RERE: variants seen among roughly 807,000 people sequenced by gnomAD.
RERE encodes the protein arginine-glutamic acid dipeptide repeats, also known as arginine-glutamic acid dipeptide repeats protein.
RERE carries 40 observed loss-of-function variants against 146.1 expected under a neutral mutation model. That is an observed-to-expected ratio of 0.27 (90% CI 0.21 to 0.36). The LOEUF is 0.36. RERE is among the 10% of genes least tolerant of loss of function. The pLI is 1.00. For missense variants in RERE, 1,933 were observed against 2,138.7 expected, an observed-to-expected ratio of 0.90 and a Z score of 1.90; for synonymous variants, 1,003 against 866.0, an observed-to-expected ratio of 1.16 and a Z score of -2.78.
chr1:8,718,656 T>C (rs1639806053), intron 1 of RERE, among the ~76,000 whole-genome samples: 3 of 152,214 alleles, frequency 2.0e-5, no homozygotes, highest in Non-Finnish European at 4.4e-5. Flanking sequence ...ATTTCATCCT[T>C]AGTTCTGACT....
intron 17 of RERE, 68 bp downstream of exon 17, chr1:8,361,695 A>T: frequency 6.9e-7 from 1 of 1,444,932 alleles, no homozygotes; most frequent in Non-Finnish European, 9.7e-7. Context: ...CCAACTAGGG[A>T]GAACCCCGGC....
intron 7 of RERE, among the ~76,000 whole-genome samples, chr1:8,512,274 C>G (rs1330834759): frequency 2.0e-5 from 3 of 150,788 alleles, no homozygotes; most frequent in Non-Finnish European, 4.4e-5. Flanking sequence ...ACCTCATGAT[C>G]CACCCGCCTC....
At chr1:8,678,914 C>T (rs1429746430) in intron 1 of RERE, among the ~76,000 whole-genome samples, 1 of 152,120 alleles carries the variant, frequency 6.6e-6, no homozygotes. Flanking sequence ...TAATCTAGGG[C>T]CATGCTGTCC....
At chr1:8,461,028 A>G (rs948932728) in intron 11 of RERE, among the ~76,000 whole-genome samples, 1 of 152,180 alleles carries the variant, frequency 6.6e-6, no homozygotes, top group Non-Finnish European at 1.5e-5. Flanking sequence ...CACCAACACA[A>G]CAGCAGCAAA....
At chr1:8,445,684 CTTTTTTT>C (rs879168605) in intron 11 of RERE, among the ~76,000 whole-genome samples, 1 of 146,122 alleles carries the variant, frequency 6.8e-6, no homozygotes, top group African/African-American at 2.5e-5. Flanking sequence ...GGAACCCCAC[CTTTTTTT>C]TTTTATGTTC....
chr1:8,541,241 T>C lies in RERE; in HGVS notation c.803A>G (p.Tyr268Cys). The C allele has an allele frequency of 6.2e-7, 1 of 1,606,086 alleles. No individual in the cohort carries two copies. Among genetic ancestry groups the C allele is most frequent in the Non-Finnish European group, 8.5e-7 (1 of 1,173,058 alleles). ...TGTCTCAGGGTTATATCCTAATATG[T>C]AGAAAAATGAATCCACTCGGGCTTT... ...EFKARVDSFF[Y>C]ILGYNPETRR... The change falls in exon 7 of 23, where the codon TAC (tyrosine) becomes TGC (cysteine). Residue 268 changes from tyrosine (Y) to cysteine (C), a missense_variant. Physicochemically the swap from Tyr to Cys is radical, Grantham distance 194. This residue lies in a region of RERE where 6 missense variants were observed against 33.9 expected (regional missense o/e 0.18). Coordinates refer to ENST00000400908, the MANE Select transcript of RERE (RefSeq NM_001042681.2).
intron 2 of RERE, among the ~76,000 whole-genome samples, chr1:8,652,170 T>C (rs1379065034): frequency 6.6e-6 from 1 of 152,100 alleles, no homozygotes; most frequent in Admixed American, 6.5e-5. Context: ...CCACTGGACC[T>C]GGCAGGATGC....
intron 12 of RERE, among the ~76,000 whole-genome samples, chr1:8,398,063 T>C (rs1297948063): frequency 6.6e-6 from 1 of 152,256 alleles, no homozygotes; most frequent in Non-Finnish European, 1.5e-5. Context: ...CATGATGTTC[T>C]ACAGGGGTAT....
At chr1:8,436,419 C>T (rs917243332) in intron 11 of RERE, among the ~76,000 whole-genome samples, 6 of 152,186 alleles carry the variant, frequency 3.9e-5, no homozygotes, top group Non-Finnish European at 7.3e-5. Flanking sequence ...ACCCTACAGT[C>T]GCTACATAAA....
At chr1:8,481,849 A>G (rs1644838012) in intron 10 of RERE, among the ~76,000 whole-genome samples, 1 of 152,220 alleles carries the variant, frequency 6.6e-6, no homozygotes, top group Non-Finnish European at 1.5e-5. Flanking sequence ...ATGAGCAGAC[A>G]TTCTTATAAG....
intron 7 of RERE, among the ~76,000 whole-genome samples, chr1:8,509,418 A>ATCCG (rs1235843824): frequency 3.7e-5 from 3 of 81,248 alleles, no homozygotes; most frequent in African/African-American, 9.4e-5. Flanking sequence ...CCATCCATCC[A>ATCCG]TCCATCCATC....
intron 11 of RERE, among the ~76,000 whole-genome samples, chr1:8,457,324 T>C (rs1035757534): frequency 6.6e-6 from 1 of 152,200 alleles, no homozygotes; most frequent in Admixed American, 6.5e-5. Flanking sequence ...AAACACATGC[T>C]GCTTCCTGAT....
intron 12 of RERE, among the ~76,000 whole-genome samples, chr1:8,416,464 T>C (rs1236004645): frequency 6.6e-6 from 1 of 151,358 alleles, no homozygotes; most frequent in Non-Finnish European, 1.5e-5. Flanking sequence ...CGGGCGCCTG[T>C]AGTCCCAGCT....
intron 1 of RERE, among the ~76,000 whole-genome samples, chr1:8,739,162 A>G (rs1640259676): frequency 6.6e-6 from 1 of 152,264 alleles, no homozygotes; most frequent in Admixed American, 6.5e-5. Flanking sequence ...ACACAGCAAT[A>G]GCTGACATAA....
intron 1 of RERE, chr1:8,799,423 G>T: frequency 5.8e-6 from 1 of 173,636 alleles, no homozygotes; most frequent in African/African-American, 2.4e-5. Context: ...TTAAATGCAA[G>T]GTTACTGAGA....
chr1:8,538,177 T>C (rs1379220744), intron 7 of RERE, among the ~76,000 whole-genome samples: 1 of 152,198 alleles, frequency 6.6e-6, no homozygotes, highest in African/African-American at 2.4e-5. Flanking sequence ...CCAGGACCAT[T>C]ACACAATCAG....
chr1:8,685,633 T>C (rs1639070312), intron 1 of RERE, among the ~76,000 whole-genome samples: 6 of 152,148 alleles, frequency 3.9e-5, no homozygotes, highest in Admixed American at 3.9e-4. Flanking sequence ...GCTACTCTAC[T>C]GTTTAGAATC....
chr1:8,503,606 T>C (rs530092692), intron 8 of RERE, among the ~76,000 whole-genome samples: 2 of 152,276 alleles, frequency 1.3e-5, no homozygotes, highest in African/African-American at 2.4e-5. Context: ...GAATATACTG[T>C]TAAAAGAAAG....
At chr1:8,730,365 CAG>C (rs1245548228) in intron 1 of RERE, among the ~76,000 whole-genome samples, 1 of 152,080 alleles carries the variant, frequency 6.6e-6, no homozygotes, top group African/African-American at 2.4e-5. Flanking sequence ...GTTTTTGAGA[CAG>C]AGTCTCGCTC....
Sources: allele counts gnomAD v4.1 joint callset (sites outside exome capture counted in the v4.1 genomes callset), GRCh38; gene constraint gnomAD v4.1.1; regional missense constraint gnomAD v4.1.1; transcripts MANE v1.5; gene names NCBI Gene and HGNC (gene_info 2026-07-23, HGNC 2026-07-21).